Variants in DPP6 observed in about 807,000 individuals in gnomAD.
The protein encoded by DPP6 is dipeptidyl peptidase like 6.
A neutral mutation model predicts 122.6 loss-of-function variants in DPP6; 69 were observed. That is an observed-to-expected ratio of 0.56 (90% confidence interval 0.46 to 0.69). The LOEUF is 0.69. Ranked by LOEUF, DPP6 falls within the 30% of genes least tolerant of loss-of-function variation. The pLI, the probability that DPP6 is intolerant of heterozygous loss-of-function variation, is 0.00. For missense variants in DPP6, 928 were observed against 1,116.9 expected, an observed-to-expected ratio of 0.83 and a Z score of 2.41; for synonymous variants, 418 against 433.1, an observed-to-expected ratio of 0.97 and a Z score of 0.43.
At chr7:154,578,632 T>C (rs1831843305) in intron 5 of DPP6, among the ~76,000 whole-genome samples, 1 of 152,148 alleles carries the variant, frequency 6.6e-6, no homozygotes, top group African/African-American at 2.4e-5. Flanking sequence ...GTGAGTTGCT[T>C]GAACAGTTCC....
At chr7:154,359,345 C>G (rs887076701) in intron 1 of DPP6, among the ~76,000 whole-genome samples, 1 of 152,120 alleles carries the variant, frequency 6.6e-6, no homozygotes, top group African/African-American at 2.4e-5. Context: ...CACCCCTGCC[C>G]CGGAGGAGAT....
At position 154,830,368 on chromosome 7, in the gene DPP6, G is replaced by C. The variant is rs189076957; in HGVS notation, c.1666+23256G>C. Among the ~76,000 whole-genome samples, 6 of 152,296 alleles carry C rather than the reference G, an allele frequency of 3.9e-5. No homozygotes were observed. The East Asian group carries it at 1.2e-3, about 29-fold the overall frequency. ...GGAGGCAGAAGCCACTCGGGGGACTGGGGGGCCATGCCGGGGGCAGTTTGG... is the reference window on the plus strand; with the variant it reads ...GGAGGCAGAAGCCACTCGGGGGACTCGGGGGCCATGCCGGGGGCAGTTTGG... On this transcript the variant is annotated intron_variant, in intron 16 of 25. Transcript: ENST00000377770.
In DPP6 at chr7:154,795,796, AGAAAAG is replaced by A. The variant is rs761549618; in HGVS notation, c.1261-48_1261-43del. On this transcript the variant is annotated intron_variant, in intron 11 of 25. Coordinates refer to ENST00000377770, the MANE Select transcript of DPP6 (RefSeq NM_130797.4). ...GACACAATACATGCAAAAAAAAAAA[AGAAAAG>A]AAAAGAAAAACCCTCTTGTCTAATG... 6,928 of 703,774 alleles carry A rather than the reference AGAAAAG, an allele frequency of 9.8e-3. 20 individuals carry two copies. Among genetic ancestry groups the A allele is most frequent in the Middle Eastern group, 0.046 (107 of 2,350 alleles). 43.6% of individuals were successfully genotyped at this position (703,774 alleles called of 1,614,324 possible).
At chr7:153,994,623 A>T (rs1359731849) in intron 1 of DPP6, among the ~76,000 whole-genome samples, 1 of 152,196 alleles carries the variant, frequency 6.6e-6, no homozygotes, top group South Asian at 2.1e-4. Flanking sequence ...GCTCATTTCA[A>T]GTAAGTCAGT....
At chr7:154,032,849 C>G (rs867947177) in intron 1 of DPP6, among the ~76,000 whole-genome samples, 1 of 147,290 alleles carries the variant, frequency 6.8e-6, no homozygotes, top group Non-Finnish European at 1.5e-5. Context: ...CCCCACCGAC[C>G]CCATCCCCCA....
the DPP6 span, among the ~76,000 whole-genome samples, chr7:153,809,365 G>C: frequency 1.3e-5 from 2 of 150,760 alleles, no homozygotes; most frequent in African/African-American, 2.5e-5. Flanking sequence ...CCTTTGCTCA[G>C]TTCTACATCA....
chr7:153,990,176 G>C (rs1216954306), intron 1 of DPP6, among the ~76,000 whole-genome samples: 1,680 of 20,564 alleles, frequency 0.082, 69 homozygotes, highest in Non-Finnish European at 0.12. Flanking sequence ...TTGCCAGCTG[G>C]AGGTGGGCCT....
intron 1 of DPP6, among the ~76,000 whole-genome samples, chr7:153,973,216 T>G (rs895470855): frequency 1.3e-5 from 2 of 152,224 alleles, no homozygotes; most frequent in Non-Finnish European, 2.9e-5. Context: ...TAAGCATTCA[T>G]TCTTTATATA....
intron 1 of DPP6, among the ~76,000 whole-genome samples, chr7:153,904,506 G>C (rs1288283489): frequency 6.6e-6 from 1 of 152,178 alleles, no homozygotes; most frequent in Non-Finnish European, 1.5e-5. Context: ...GGCTTGAGGG[G>C]GAGGGCAGAA....
intron 7 of DPP6, among the ~76,000 whole-genome samples, chr7:154,699,425 C>T (rs764671442): frequency 6.6e-5 from 10 of 152,214 alleles, no homozygotes; most frequent in Non-Finnish European, 1.2e-4. Context: ...CCTCCCACTG[C>T]TTTCTACCAG....
chr7:154,377,834 T>C (rs1472123061), intron 1 of DPP6, among the ~76,000 whole-genome samples: 1 of 152,150 alleles, frequency 6.6e-6, no homozygotes, highest in East Asian at 1.9e-4. Flanking sequence ...CACTATTCAA[T>C]ATAGCTTCTA....
the DPP6 span, among the ~76,000 whole-genome samples, chr7:153,867,144 G>A: frequency 2.0e-5 from 3 of 152,096 alleles, no homozygotes; most frequent in African/African-American, 7.2e-5. Context: ...CTCTTTTTTG[G>A]TTCCATATGA....
the DPP6 span, among the ~76,000 whole-genome samples, chr7:153,799,617 T>C: frequency 6.6e-6 from 1 of 152,218 alleles, no homozygotes; most frequent in African/African-American, 2.4e-5. Flanking sequence ...CATTAATTCA[T>C]TGAAGTTTAA....
At position 154,889,154 on chromosome 7, in the gene DPP6, CG is replaced by C. The variant is rs35737988; in HGVS notation, c.2305-115del. 94 of 1,444,540 alleles carry C rather than the reference CG, an allele frequency of 6.5e-5. No individual in the cohort carries two copies. The African/African-American group carries it at 1.2e-3, about 18-fold the overall frequency. 89.5% of individuals were successfully genotyped at this position (1,444,540 alleles called of 1,614,324 possible). A position where few individuals can be genotyped will look rare whatever the true frequency, so the allele number is the denominator to read the frequency against. Reference sequence around the variant, plus strand: ...GCAGATATAAGGCATCCCGGTTCTCCGGGAACTTAGTGTTTTCAATACACTT... The same window carrying C: ...GCAGATATAAGGCATCCCGGTTCTCCGGAACTTAGTGTTTTCAATACACTT... On this transcript the variant is annotated intron_variant, in intron 23 of 25. Coordinates refer to ENST00000377770, the MANE Select transcript of DPP6 (RefSeq NM_130797.4).
At chr7:154,045,869 G>A (rs757101101) in intron 1 of DPP6, among the ~76,000 whole-genome samples, 2 of 152,210 alleles carry the variant, frequency 1.3e-5, no homozygotes, top group East Asian at 1.9e-4. Context: ...TCCTTAGAAC[G>A]TAGCGCAATG....
chr7:153,946,077 A>G (rs1801935322), intron 1 of DPP6, among the ~76,000 whole-genome samples: 1 of 152,178 alleles, frequency 6.6e-6, no homozygotes, highest in African/African-American at 2.4e-5. Context: ...CATAGCTCTG[A>G]GCAGAAAACA....
chr7:154,029,696 A>C (rs1799129074), intron 1 of DPP6, among the ~76,000 whole-genome samples: 1 of 145,812 alleles, frequency 6.9e-6, no homozygotes, highest in African/African-American at 2.5e-5. Flanking sequence ...AATGCAAAAA[A>C]TTAGTTGGGC....
At chr7:154,832,713 TCTC>T (rs1371995945) in intron 16 of DPP6, among the ~76,000 whole-genome samples, 2 of 152,056 alleles carry the variant, frequency 1.3e-5, no homozygotes, top group East Asian at 1.9e-4. Context: ...GTCCCAGAAA[TCTC>T]CTCCACAGAC....
At chr7:154,603,021 G>T (rs970736706) in intron 5 of DPP6, among the ~76,000 whole-genome samples, 1 of 119,610 alleles carries the variant, frequency 8.4e-6, no homozygotes, top group African/African-American at 2.7e-5. Flanking sequence ...AATTTCAGGT[G>T]GACATTATTT....
Sources: gnomAD v4.1 joint callset for allele counts (sites outside exome capture counted in the v4.1 genomes callset) on GRCh38, gnomAD v4.1.1 for gene constraint, MANE v1.5 for transcripts, NCBI Gene and HGNC (gene_info 2026-07-23, HGNC 2026-07-21) for gene names.